Variants in MRPL15 observed in about 807,000 individuals in gnomAD.
MRPL15 encodes mitochondrial ribosomal protein L15.
In MRPL15, 24 loss-of-function variants were observed where a neutral mutation model predicts 28.0. That is an observed-to-expected ratio of 0.86 (90% confidence interval 0.62 to 1.21). The LOEUF (loss-of-function observed/expected upper bound fraction) is 1.21, where lower values mean the gene tolerates loss of function less well. Among genes scored for constraint, MRPL15 ranks in the 50% most tolerant of loss-of-function variants. The probability of loss-of-function intolerance (pLI) is 0.00; values close to 1 mark genes in which losing one functional copy is unlikely to be tolerated. For synonymous variants in MRPL15, 124 were observed against 137.0 expected (o/e 0.90, Z 0.66); for missense variants, 343 against 372.4 (o/e 0.92, Z 0.65).
Position 54,142,215 on chromosome 8 carries a change from C to T in MRPL15, c.430-448C>T, listed in dbSNP as rs985582606. Among the ~76,000 whole-genome samples, 20 of 150,500 alleles carry T rather than the reference C, an allele frequency of 1.3e-4. 1 individual carries two copies. Among genetic ancestry groups the T allele is most frequent in the East Asian group, 9.8e-4 (5 of 5,080 alleles). On this transcript the variant is annotated intron_variant, in intron 3 of 4. Coordinates refer to ENST00000260102, the MANE Select transcript of MRPL15 (RefSeq NM_014175.4). ...TGTAGCCCAGGCTGGAGTGCAATGG[C>T]GCGATCTCAGCTCACTGCAACCTTC...
chr8:54,147,725 C>T lies in MRPL15; in HGVS notation c.*6C>T, dbSNP rs753072679. On this transcript the variant is annotated 3_prime_UTR_variant, in exon 5 of 5. Coordinates refer to ENST00000260102, the MANE Select transcript of MRPL15 (RefSeq NM_014175.4). ...TTAAGTATTATACCTCATGAATTCC[C>T]GTCCAAGGAAGCAGAGTTGTTAAAG... is the stretch of plus-strand genomic sequence containing the variant. 1.9e-5 allele frequency: 30 copies of T among 1,595,058 alleles called. No individual in the cohort carries two copies. The highest frequency in any genetic ancestry group is 7.9e-5 in the South Asian group (7 of 88,510).
intron 1 of MRPL15, among the ~76,000 whole-genome samples, chr8:54,136,051 A>G (rs555731914): frequency 7.0e-4 from 106 of 152,244 alleles, no homozygotes; most frequent in Admixed American, 4.5e-3. Context: ...TGTCATTTTA[A>G]CAGTCAGTTC....
intron 1 of MRPL15, among the ~76,000 whole-genome samples, chr8:54,136,249 A>C (rs995580386): frequency 2.0e-5 from 3 of 152,232 alleles, no homozygotes; most frequent in African/African-American, 7.2e-5. Flanking sequence ...AACCTATTAT[A>C]AAAACCTTAT....
chr8:54,139,815 T>C (rs780155482), intron 3 of MRPL15, among the ~76,000 whole-genome samples: 43 of 152,182 alleles, frequency 2.8e-4, no homozygotes, highest in Non-Finnish European at 5.9e-5. Context: ...AGAAACCTGA[T>C]ATAAAGATAG....
At chr8:54,146,330 C>T (rs1385818304) in intron 4 of MRPL15, among the ~76,000 whole-genome samples, 1 of 152,016 alleles carries the variant, frequency 6.6e-6, no homozygotes, top group Non-Finnish European at 1.5e-5. Context: ...GCCTGTAATC[C>T]CAGCTACTTG....
At chr8:54,136,389 A>G (rs1810827957) in intron 1 of MRPL15, 122 bp from the exon 2 acceptor site, 10 of 1,053,650 alleles carry the variant, frequency 9.5e-6, no homozygotes, top group Non-Finnish European at 1.2e-5. Context: ...CATGCTTGAC[A>G]CAATAGTGTT....
At chr8:54,146,755 G>A (rs1051964066) in intron 4 of MRPL15, among the ~76,000 whole-genome samples, 4 of 152,116 alleles carry the variant, frequency 2.6e-5, no homozygotes, top group African/African-American at 9.7e-5. Flanking sequence ...GCTATCTAAA[G>A]GCCCTGTGGC....
chr8:54,140,188 A>G (rs758228030), intron 3 of MRPL15, among the ~76,000 whole-genome samples: 25 of 152,210 alleles, frequency 1.6e-4, no homozygotes, highest in Non-Finnish European at 3.4e-4. Context: ...AGAGAAAAAT[A>G]TAGCACATCC....
At position 54,138,320 on chromosome 8, in the gene MRPL15, T is replaced by TTTTTTA. The variant is rs1227500449; in HGVS notation, c.429+892_429+893insATTTTT. Among the ~76,000 whole-genome samples, 256 of 135,540 alleles carry TTTTTTA rather than the reference T, an allele frequency of 1.9e-3. 7 individuals carry two copies. The highest frequency in any genetic ancestry group is 7.5e-3 in the African/African-American group (241 of 32,242). The allele number at this position is 135,540 out of a possible 152,430, so 88.9% of individuals were successfully genotyped here. The stretch of plus-strand genomic sequence containing the variant: ...GAAGATCTTTTTTTTTTTTTTTTTT[T>TTTTTTA]TTTTTTTTTAAATAGAGATGGAGTC... On this transcript the variant is annotated intron_variant, in intron 3 of 4. Transcript: ENST00000260102.
At chr8:54,146,117 T>C (rs1406129944) in intron 4 of MRPL15, among the ~76,000 whole-genome samples, 1 of 152,220 alleles carries the variant, frequency 6.6e-6, no homozygotes, top group Non-Finnish European at 1.5e-5. Flanking sequence ...TAGATACTGT[T>C]CCAGCTGATG....
Position 54,147,831 on chromosome 8 carries a change from T to C in MRPL15, c.*112T>C. The C allele has an allele frequency of 1.1e-6, 1 of 939,200 alleles. No homozygotes were observed. The highest frequency in any genetic ancestry group is 1.6e-6 in the Non-Finnish European group (1 of 640,440). 58.2% of individuals were successfully genotyped at this position (939,200 alleles called of 1,614,324 possible). On this transcript the variant is annotated 3_prime_UTR_variant, in exon 5 of 5. Coordinates refer to ENST00000260102, the MANE Select transcript of MRPL15 (RefSeq NM_014175.4). Reference sequence around the variant, plus strand: ...ATAATTTTCCAGATGGTGATGTTACTTTTCAGTGTACTCATATGTCTCATT... The same window carrying C: ...ATAATTTTCCAGATGGTGATGTTACCTTTCAGTGTACTCATATGTCTCATT...
intron 4 of MRPL15, among the ~76,000 whole-genome samples, chr8:54,143,746 G>GTCCCTCCTGGTGTTCCCCTGC (rs1563719916): frequency 6.6e-6 from 1 of 152,200 alleles, no homozygotes; most frequent in Non-Finnish European, 1.5e-5. Context: ...ACCAGCTCTT[G>GTCCCTCCTGGTGTTCCCCTGC]TCCCTCCTGG....
At chr8:54,145,484 A>T (rs1444626388) in intron 4 of MRPL15, among the ~76,000 whole-genome samples, 2 of 147,526 alleles carry the variant, frequency 1.4e-5, no homozygotes, top group East Asian at 2.0e-4. Context: ...CGGGCCAGAA[A>T]TTTTTTTTTT....
chr8:54,135,594 TC>T (rs1193737681), intron 1 of MRPL15, among the ~76,000 whole-genome samples: 3 of 135,292 alleles, frequency 2.2e-5, no homozygotes, highest in East Asian at 2.4e-4. Context: ...TTTTTTTTTT[TC>T]CGAGACGGAG....
At position 54,140,574 on chromosome 8, in the gene MRPL15, C is replaced by CTTTTTTTTTTTTTTTT. The variant is rs71551976; in HGVS notation, c.430-2087_430-2072dup. 4.4e-4 allele frequency among the ~76,000 whole-genome samples: 44 copies of CTTTTTTTTTTTTTTTT among 99,604 alleles called. 4 individuals are homozygous for CTTTTTTTTTTTTTTTT. Among genetic ancestry groups the CTTTTTTTTTTTTTTTT allele is most frequent in the East Asian group, 4.3e-3 (8 of 1,858 alleles). The allele number at this position is 99,604 out of a possible 152,430, so 65.3% of individuals were successfully genotyped here. A position where few individuals can be genotyped will look rare whatever the true frequency, so the allele number is the denominator to read the frequency against. ...CCGGCCTAGAACTACATTTTCTTTTCTTTTTTTTTTTTTTTTTGAGATGGA... is the reference window on the plus strand; with the variant it reads ...CCGGCCTAGAACTACATTTTCTTTTCTTTTTTTTTTTTTTTTTTTTTTTTTTTTTTTTTGAGATGGA... On this transcript the variant is annotated intron_variant, in intron 3 of 4. Transcript: ENST00000260102.
intron 4 of MRPL15, 153 bp downstream of exon 4, chr8:54,142,939 C>T (rs1810956122): frequency 5.3e-6 from 6 of 1,140,668 alleles, no homozygotes; most frequent in Non-Finnish European, 7.4e-6. Flanking sequence ...TTAAAGAATA[C>T]AGCCTGTTGC....
chr8:54,137,154 T>C, intron 2 of MRPL15, 114 bp from the exon 3 acceptor site: 1 of 1,064,742 alleles, frequency 9.4e-7, no homozygotes, highest in Non-Finnish European at 1.4e-6. Context: ...CTCAAGAGGG[T>C]TTTGTTTAGT....
At chr8:54,145,295 A>G (rs151289881) in intron 4 of MRPL15, among the ~76,000 whole-genome samples, 172 of 152,080 alleles carry the variant, frequency 1.1e-3, no homozygotes, top group African/African-American at 3.9e-3. Flanking sequence ...GCTGACTGCA[A>G]CCTCCAACTC....
intron 3 of MRPL15, among the ~76,000 whole-genome samples, chr8:54,140,881 C>T (rs1810913585): frequency 6.6e-6 from 1 of 151,946 alleles, no homozygotes. Flanking sequence ...TGCGCCCGGC[C>T]TAGAACTACA....
Sources: allele counts gnomAD v4.1 joint callset (sites outside exome capture counted in the v4.1 genomes callset), GRCh38; gene constraint gnomAD v4.1.1; transcripts MANE v1.5; gene names NCBI Gene and HGNC (gene_info 2026-07-23, HGNC 2026-07-21).